ADAMTS20: variants seen among roughly 807,000 people sequenced by gnomAD.
ADAMTS20 encodes the protein A disintegrin and metalloproteinase with thrombospondin motifs 20.
In ADAMTS20, 225 loss-of-function variants were observed where a neutral mutation model predicts 260.1. The observed-to-expected ratio is 0.87, with a 90% CI of 0.78 to 0.97. ADAMTS20 has a LOEUF of 0.97. Among genes scored for constraint, ADAMTS20 ranks in the 50% least tolerant of loss-of-function variants. The pLI is 0.00. For missense variants in ADAMTS20, 2,400 were observed against 2,337.7 expected (o/e 1.03, Z -0.55); for synonymous variants, 802 against 769.5 (o/e 1.04, Z -0.70).
chr12:43,471,937 C>T (rs1261246283), intron 7 of ADAMTS20, among the ~76,000 whole-genome samples: 4 of 148,590 alleles, frequency 2.7e-5, no homozygotes, highest in African/African-American at 7.4e-5. Flanking sequence ...GCCTCTCCTC[C>T]TCCAAAGGAA....
intron 7 of ADAMTS20, among the ~76,000 whole-genome samples, chr12:43,486,012 A>T (rs200025898): frequency 6.6e-6 from 1 of 152,122 alleles, no homozygotes; most frequent in East Asian, 1.9e-4. Flanking sequence ...TTGCCAAAAA[A>T]TCTACACATT....
chr12:43,510,838 A>C (rs919567686), intron 3 of ADAMTS20, among the ~76,000 whole-genome samples: 2 of 152,122 alleles, frequency 1.3e-5, no homozygotes, highest in African/African-American at 4.8e-5. Context: ...AATATAAACT[A>C]CTAGAAAATT....
At chr12:43,397,386 G>A (rs1368955492) in intron 29 of ADAMTS20, among the ~76,000 whole-genome samples, 1 of 152,170 alleles carries the variant, frequency 6.6e-6, no homozygotes, top group Non-Finnish European at 1.5e-5. Flanking sequence ...AAGCATATCT[G>A]AGTTCTTCTG....
chr12:43,442,973 T>A (rs1204959205), intron 16 of ADAMTS20, among the ~76,000 whole-genome samples: 1 of 152,248 alleles, frequency 6.6e-6, no homozygotes, highest in Non-Finnish European at 1.5e-5. Flanking sequence ...TTTGGCTTTA[T>A]AGTTCCAAAT....
At chr12:43,409,457 C>G (rs1223558621) in intron 28 of ADAMTS20, among the ~76,000 whole-genome samples, 2 of 150,514 alleles carry the variant, frequency 1.3e-5, no homozygotes, top group South Asian at 4.2e-4. Context: ...AAAAAATTAG[C>G]CGGGCGTAGT....
rs576328259 is a variant in ADAMTS20 at position 43,406,874 on chromosome 12, C to CA, written c.4285-7642dup. On this transcript the variant is annotated intron_variant, in intron 28 of 38. Transcript: ENST00000389420. ...TAGTAGGATATATTTCTGCTTAAAA[C>CA]AAAAAAAATGACAAAATATGCATAT... Among the ~76,000 whole-genome samples the CA allele has an allele frequency of 2.2e-4, 34 of 151,488 alleles. 1 individual carries two copies. The South Asian group carries it at 5.0e-3, about 22-fold the overall frequency.
chr12:43,534,438 G>A (rs534740105), intron 2 of ADAMTS20, among the ~76,000 whole-genome samples: 4 of 152,176 alleles, frequency 2.6e-5, no homozygotes, highest in African/African-American at 9.7e-5. Context: ...CAATGTATTT[G>A]CCCTTTAACA....
At chr12:43,438,162 G>T (rs932444041) in intron 18 of ADAMTS20, among the ~76,000 whole-genome samples, 7 of 152,156 alleles carry the variant, frequency 4.6e-5, no homozygotes, top group Admixed American at 2.6e-4. Context: ...GAACTCTCCT[G>T]CTTTGGACTC....
chr12:43,417,025 G>A (rs1353778686), intron 28 of ADAMTS20, among the ~76,000 whole-genome samples: 1 of 152,056 alleles, frequency 6.6e-6, no homozygotes, highest in South Asian at 2.1e-4. Flanking sequence ...ATAGTTATTT[G>A]CATGTATATT....
intron 11 of ADAMTS20, among the ~76,000 whole-genome samples, chr12:43,458,714 T>G (rs1942009168): frequency 6.6e-6 from 1 of 152,206 alleles, no homozygotes; most frequent in Admixed American, 6.5e-5. Flanking sequence ...CCAATCAGTT[T>G]GATGGTACTA....
intron 31 of ADAMTS20, among the ~76,000 whole-genome samples, chr12:43,379,774 C>A (rs1394029059): frequency 4.6e-5 from 7 of 152,116 alleles, no homozygotes; most frequent in African/African-American, 7.2e-5. Context: ...CAACAACAAA[C>A]CCTGGGGAGG....
Position 43,551,473 on chromosome 12 carries a change from TGC to T in ADAMTS20, c.92-205_92-204del, listed in dbSNP as rs1943516026. On this transcript the variant is annotated intron_variant, in intron 1 of 38. Transcript: ENST00000389420. The surrounding 1 kb of genome is among the most constrained non-coding windows in gnomAD (Gnocchi z 4.6). ...GCTCTGCTTTCCCACACCCCCAACT[TGC>T]CCTACCCTCCCCAAGCAAAGACCCT... Among the ~76,000 whole-genome samples, 1 of 151,958 alleles carries T rather than the reference TGC, an allele frequency of 6.6e-6. No homozygotes were observed. The highest frequency in any genetic ancestry group is 1.5e-5 in the Non-Finnish European group (1 of 67,994).
chr12:43,536,088 C>T (rs1343942049), intron 2 of ADAMTS20, among the ~76,000 whole-genome samples: 1 of 151,858 alleles, frequency 6.6e-6, no homozygotes, highest in African/African-American at 2.4e-5. Flanking sequence ...TATATTCATT[C>T]CTATACATAT....
chr12:43,466,223 G>A lies in ADAMTS20; in HGVS notation c.1367+429C>T, dbSNP rs77790527. On this transcript the variant is annotated intron_variant, in intron 9 of 38. Coordinates refer to ENST00000389420, the MANE Select transcript of ADAMTS20 (RefSeq NM_025003.5). ...CTTTAGAGAACTAACAGAATAATTCGTAGTTTGACTTTAGCTATTCTCTGT... is the reference window on the plus strand; with the variant it reads ...CTTTAGAGAACTAACAGAATAATTCATAGTTTGACTTTAGCTATTCTCTGT... Among the ~76,000 whole-genome samples, 13 of 152,064 alleles carry A rather than the reference G, an allele frequency of 8.5e-5. No individual in the cohort carries two copies. The East Asian group carries it at 1.2e-3, about 14-fold the overall frequency.
chr12:43,384,065 A>G (rs927589188), intron 29 of ADAMTS20, 88 bp from the exon 30 acceptor site: 2 of 1,191,654 alleles, frequency 1.7e-6, no homozygotes, highest in African/African-American at 3.1e-5. Flanking sequence ...CATATTATTT[A>G]TTTTAAATAC....
At chr12:43,428,593 T>G in intron 25 of ADAMTS20, 42 bp downstream of exon 25, 1 of 1,471,296 alleles carries the variant, frequency 6.8e-7, no homozygotes. Context: ...ATCAAATATA[T>G]TTAAATTTTT....
intron 3 of ADAMTS20, among the ~76,000 whole-genome samples, chr12:43,517,626 T>G (rs1457012388): frequency 6.6e-6 from 1 of 152,098 alleles, no homozygotes; most frequent in African/African-American, 2.4e-5. Flanking sequence ...CACTGATCTG[T>G]TGACTCAATG....
At chr12:43,373,269 G>A (rs1047178838) in intron 36 of ADAMTS20, among the ~76,000 whole-genome samples, 1 of 152,200 alleles carries the variant, frequency 6.6e-6, no homozygotes, top group Admixed American at 6.5e-5. Flanking sequence ...TGGCAAAATG[G>A]CAGCTTTGTT....
In ADAMTS20 at chr12:43,431,335, A is replaced by G; in HGVS notation, c.3258T>C (p.Gly1086=). The G allele has an allele frequency of 6.2e-7, 1 of 1,613,714 alleles. No homozygotes were observed. The highest frequency in any genetic ancestry group is 8.5e-7 in the Non-Finnish European group (1 of 1,179,736). ...AAAACCCATATCATATACTCACAGG[A>G]CCCCATGGTCCTACTTGCCAGGAAG... ...TCASWQVGPW[G]PCTTTCGHGY... is the part of the protein sequence containing the mutation. Residue 1086 remains glycine (G), a synonymous_variant, in exon 22 of 39, where the codon GGT becomes GGC. Coordinates refer to ENST00000389420, the MANE Select transcript of ADAMTS20 (RefSeq NM_025003.5).
Sources: allele counts gnomAD v4.1 joint callset (sites outside exome capture counted in the v4.1 genomes callset), GRCh38; gene constraint gnomAD v4.1.1; non-coding constraint Gnocchi (gnomAD v3.1); transcripts MANE v1.5; gene names NCBI Gene and HGNC (gene_info 2026-07-23, HGNC 2026-07-21).